The following PARD3 variants were observed in gnomAD, a reference collection of about 807,000 sequenced individuals.
PARD3 encodes partitioning defective 3 homolog.
Under a neutral mutation model 155.4 loss-of-function variants are expected in PARD3, and 75 were observed. That is an observed-to-expected ratio of 0.48 (90% confidence interval 0.40 to 0.58). PARD3 has a LOEUF of 0.58. PARD3 is among the 20% of genes least tolerant of loss of function. The pLI is 0.00. For synonymous variants in PARD3, 576 were observed against 610.5 expected (o/e 0.94, Z 0.83); for missense variants, 1,642 against 1,721.7 (o/e 0.95, Z 0.82).
chr10:34,171,019 T>C (rs981222346), intron 22 of PARD3, among the ~76,000 whole-genome samples: 3 of 152,214 alleles, frequency 2.0e-5, no homozygotes, highest in Admixed American at 6.5e-5. Flanking sequence ...TAGGGATAGA[T>C]GTCTAAATAG....
At chr10:34,534,744 C>T (rs2083102810) in intron 2 of PARD3, among the ~76,000 whole-genome samples, 1 of 152,154 alleles carries the variant, frequency 6.6e-6, no homozygotes, top group Non-Finnish European at 1.5e-5. Context: ...GGCATGGTGG[C>T]TCACACCTGT....
At chr10:34,594,290 G>C (rs368947245) in intron 2 of PARD3, among the ~76,000 whole-genome samples, 1 of 152,136 alleles carries the variant, frequency 6.6e-6, no homozygotes, top group Non-Finnish European at 1.5e-5. Flanking sequence ...ATGACCCACA[G>C]TTTCCACTTA....
chr10:34,624,552 G>T (rs955746746), intron 2 of PARD3, among the ~76,000 whole-genome samples: 1 of 152,226 alleles, frequency 6.6e-6, no homozygotes, highest in African/African-American at 2.4e-5. Context: ...GGTGCACTCA[G>T]CGGCTGATGT....
At chr10:34,507,791 G>C (rs1429629831) in intron 3 of PARD3, among the ~76,000 whole-genome samples, 1 of 152,106 alleles carries the variant, frequency 6.6e-6, no homozygotes, top group African/African-American at 2.4e-5. Context: ...TAATCAGATT[G>C]CATCTACAAC....
chr10:34,526,468 T>C (rs1264665258), intron 2 of PARD3, among the ~76,000 whole-genome samples: 2 of 152,160 alleles, frequency 1.3e-5, no homozygotes, highest in East Asian at 1.9e-4. Flanking sequence ...CATGCCCTGC[T>C]CTCCTGCTCC....
chr10:34,621,492 G>A (rs747944842), intron 2 of PARD3, among the ~76,000 whole-genome samples: 3 of 152,048 alleles, frequency 2.0e-5, no homozygotes, highest in South Asian at 2.1e-4. Context: ...CACCGCGCCC[G>A]GCCTAGTTTC....
chr10:34,607,470 G>A (rs866131825), intron 2 of PARD3, among the ~76,000 whole-genome samples: 1 of 152,280 alleles, frequency 6.6e-6, no homozygotes, highest in Middle Eastern at 3.4e-3. Context: ...GATAGTGGGA[G>A]GGAAAAGAGT....
intron 22 of PARD3, among the ~76,000 whole-genome samples, chr10:34,222,712 A>C (rs1952369245): frequency 1.3e-5 from 2 of 152,208 alleles, no homozygotes; most frequent in Non-Finnish European, 2.9e-5. Flanking sequence ...TCTACCTTCA[A>C]AGGGAGCTTT....
At chr10:34,680,831 T>G in intron 2 of PARD3, among the ~76,000 whole-genome samples, 1 of 73,994 alleles carries the variant, frequency 1.4e-5, no homozygotes, top group Non-Finnish European at 2.5e-5. Flanking sequence ...CTGGGGACTG[T>G]GGTGGGGTGG....
intron 3 of PARD3, among the ~76,000 whole-genome samples, chr10:34,501,046 C>A (rs950221131): frequency 1.3e-5 from 2 of 152,122 alleles, no homozygotes; most frequent in African/African-American, 4.8e-5. Context: ...CAAGCAACCA[C>A]AATTATATAA....
At chr10:34,541,635 G>A (rs2083618021) in intron 2 of PARD3, among the ~76,000 whole-genome samples, 1 of 152,180 alleles carries the variant, frequency 6.6e-6, no homozygotes, top group African/African-American at 2.4e-5. Flanking sequence ...GGAGGCCCCT[G>A]GGAAGTGCTG....
At chr10:34,717,319 T>A (rs911587742) in intron 1 of PARD3, among the ~76,000 whole-genome samples, 1 of 152,298 alleles carries the variant, frequency 6.6e-6, no homozygotes. Flanking sequence ...TATGATGCTA[T>A]ATCAGAAAAA....
rs72794350 is a variant in PARD3, at chr10:34,553,427, T to C, written c.223-36268A>G. On this transcript the variant is annotated intron_variant, in intron 2 of 24. Coordinates refer to ENST00000374788, the MANE Select transcript of PARD3 (RefSeq NM_001184785.2). ...AAAGTCTTTTATTAATAACAAACAA[T>C]AGAAATTGCATGACCAAGTGGAGGA... Among the ~76,000 whole-genome samples the C allele has an allele frequency of 3.1e-3, 471 of 152,118 alleles. 1 individual carries two copies. Among genetic ancestry groups the C allele is most frequent in the Admixed American group, 5.7e-3 (87 of 15,282 alleles).
intron 1 of PARD3, among the ~76,000 whole-genome samples, chr10:34,748,765 G>A (rs991222033): frequency 1.3e-5 from 2 of 152,124 alleles, no homozygotes; most frequent in Non-Finnish European, 2.9e-5. Context: ...TTGAGCACCC[G>A]CTCCCTGCTG....
At chr10:34,652,821 T>C (rs1377600558) in intron 2 of PARD3, among the ~76,000 whole-genome samples, 2 of 152,196 alleles carry the variant, frequency 1.3e-5, no homozygotes, top group Admixed American at 6.5e-5. Flanking sequence ...GTGAATTCTT[T>C]AGTTATAAGA....
At chr10:34,362,779 C>A (rs1319796660) in intron 12 of PARD3, among the ~76,000 whole-genome samples, 1 of 152,224 alleles carries the variant, frequency 6.6e-6, no homozygotes, top group African/African-American at 2.4e-5. Context: ...ACGTGCCCAG[C>A]CCCTTGAAAC....
At chr10:34,181,723 A>G (rs1950275891) in intron 22 of PARD3, among the ~76,000 whole-genome samples, 1 of 152,264 alleles carries the variant, frequency 6.6e-6, no homozygotes. Context: ...ATCTGGTTAC[A>G]TGGGATTGCT....
At chr10:34,274,853 A>C (rs1004671518) in intron 21 of PARD3, among the ~76,000 whole-genome samples, 1 of 152,184 alleles carries the variant, frequency 6.6e-6, no homozygotes, top group African/African-American at 2.4e-5. Context: ...CAGAAAGAGA[A>C]TAGGAACACA....
At chr10:34,422,736 T>C (rs888399139) in intron 5 of PARD3, among the ~76,000 whole-genome samples, 4 of 152,090 alleles carry the variant, frequency 2.6e-5, no homozygotes, top group African/African-American at 9.7e-5. Context: ...GAATGACATA[T>C]CACCTTCCAC....
Sources: gnomAD v4.1 joint callset for allele counts (sites outside exome capture counted in the v4.1 genomes callset) on GRCh38, gnomAD v4.1.1 for gene constraint, MANE v1.5 for transcripts, NCBI Gene and HGNC (gene_info 2026-07-23, HGNC 2026-07-21) for gene names.